Variants in PINX1 observed in about 807,000 individuals in gnomAD.
PINX1 encodes the protein PIN2 (TERF1) interacting telomerase inhibitor 1, also known as PIN2/TERF1-interacting telomerase inhibitor 1.
A neutral mutation model predicts 25.4 loss-of-function variants in PINX1; 34 were observed. That is an observed-to-expected ratio of 1.34 (90% CI 1.02 to 1.78). The LOEUF (loss-of-function observed/expected upper bound fraction) is 1.78. PINX1 is among the 40% of genes most tolerant of loss of function. The pLI, the probability that PINX1 is intolerant of heterozygous loss-of-function variation, is 0.00. For synonymous variants in PINX1, 197 were observed against 147.7 expected (o/e 1.33, Z -2.42); for missense variants, 592 against 404.9 (o/e 1.46, Z -3.97).
At chr8:10,783,431 G>A (rs1462183554) in intron 6 of PINX1, among the ~76,000 whole-genome samples, 1 of 152,198 alleles carries the variant, frequency 6.6e-6, no homozygotes, top group Non-Finnish European at 1.5e-5. Context: ...GTGCTTTCAA[G>A]AACCCGTGTC....
rs1476406127 is a variant in PINX1 at position 10,834,505 on chromosome 8, C to G, written c.129+161G>C. On this transcript the variant is annotated intron_variant, in intron 2 of 6. Transcript: ENST00000314787. Reference sequence around the variant, plus strand: ...AGAAAGTTGACACTTATGTCCAATCCTAATTTATCATCATAAGGTCACAAC... The same window carrying G: ...AGAAAGTTGACACTTATGTCCAATCGTAATTTATCATCATAAGGTCACAAC... The G allele has an allele frequency of 2.8e-6, 3 of 1,061,332 alleles. No homozygotes were observed. In the Admixed American group the frequency reaches 8.9e-5, roughly 32 times the overall value. 65.7% of individuals were successfully genotyped at this position (1,061,332 alleles called of 1,614,324 possible).
chr8:10,799,679 G>T (rs778420709), intron 6 of PINX1, among the ~76,000 whole-genome samples: 5 of 152,184 alleles, frequency 3.3e-5, no homozygotes, highest in Non-Finnish European at 5.9e-5. Context: ...CTAAACTGGG[G>T]TGCAGTAGAC....
intron 4 of PINX1, among the ~76,000 whole-genome samples, chr8:10,831,328 T>C (rs1042247443): frequency 4.6e-5 from 7 of 152,224 alleles, no homozygotes; most frequent in African/African-American, 9.6e-5. Context: ...CTAATGGATA[T>C]AAAAGTCCCA....
intron 6 of PINX1, among the ~76,000 whole-genome samples, chr8:10,793,074 T>G (rs1801973944): frequency 6.6e-6 from 1 of 152,106 alleles, no homozygotes; most frequent in South Asian, 2.1e-4. Context: ...ATCTACTGAG[T>G]GCCTACTATG....
intron 4 of PINX1, among the ~76,000 whole-genome samples, chr8:10,830,425 G>C (rs1042841884): frequency 8.5e-5 from 13 of 152,178 alleles, no homozygotes; most frequent in Non-Finnish European, 1.5e-4. Flanking sequence ...CCTCCAAGCA[G>C]GACTGTGTCT....
intron 6 of PINX1, among the ~76,000 whole-genome samples, chr8:10,802,896 G>A (rs1460261613): frequency 6.6e-6 from 1 of 152,152 alleles, no homozygotes; most frequent in East Asian, 1.9e-4. Context: ...TACACAGCAA[G>A]AAGACTTATT....
In PINX1 at chr8:10,814,202, T is replaced by C. The variant is rs1016083244; in HGVS notation, c.471+5991A>G. Among the ~76,000 whole-genome samples the C allele has an allele frequency of 6.8e-4, 104 of 152,252 alleles. 1 individual carries two copies. The highest frequency in any genetic ancestry group is 2.5e-3 in the African/African-American group (103 of 41,546). ...CTTCCAAATCAATATACAACAAAGA[T>C]GGTGGGAAAAGGAAGAACTTGGAAA... On this transcript the variant is annotated intron_variant, in intron 6 of 6. Transcript: ENST00000314787.
At chr8:10,782,230 C>G (rs1229222028) in intron 6 of PINX1, among the ~76,000 whole-genome samples, 1 of 151,576 alleles carries the variant, frequency 6.6e-6, no homozygotes, top group African/African-American at 2.4e-5. Flanking sequence ...TGTGTAGGTC[C>G]CCACACTGTA....
At chr8:10,835,058 G>A (rs1798358623) in intron 1 of PINX1, among the ~76,000 whole-genome samples, 1 of 152,144 alleles carries the variant, frequency 6.6e-6, no homozygotes, top group African/African-American at 2.4e-5. Flanking sequence ...TACTAGAGCT[G>A]GGCCTTCCAT....
At chr8:10,836,306 A>T (rs974525384) in intron 1 of PINX1, among the ~76,000 whole-genome samples, 1 of 152,064 alleles carries the variant, frequency 6.6e-6, no homozygotes, top group South Asian at 2.1e-4. Context: ...GTGACCCAAA[A>T]ATGTTCCATC....
chr8:10,799,572 C>A (rs989102376), intron 6 of PINX1, among the ~76,000 whole-genome samples: 1 of 152,174 alleles, frequency 6.6e-6, no homozygotes, highest in African/African-American at 2.4e-5. Flanking sequence ...GACAGGTGAG[C>A]GGCCTGACTG....
At chr8:10,808,319 G>A (rs1802520262) in intron 6 of PINX1, among the ~76,000 whole-genome samples, 1 of 152,224 alleles carries the variant, frequency 6.6e-6, no homozygotes, top group Non-Finnish European at 1.5e-5. Context: ...CCAAATAACT[G>A]AGGAAGAATT....
chr8:10,821,376 T>C (rs1473378003), intron 5 of PINX1, among the ~76,000 whole-genome samples: 4 of 152,198 alleles, frequency 2.6e-5, no homozygotes, highest in African/African-American at 9.7e-5. Context: ...CAAAACCAGT[T>C]TCCTAGGCAG....
intron 6 of PINX1, among the ~76,000 whole-genome samples, chr8:10,796,372 C>T (rs1434404115): frequency 6.6e-6 from 1 of 152,042 alleles, no homozygotes; most frequent in Non-Finnish European, 1.5e-5. Flanking sequence ...TAGAGACACC[C>T]GCAAGAATCC....
intron 6 of PINX1, among the ~76,000 whole-genome samples, chr8:10,775,737 C>G (rs1489107973): frequency 1.3e-5 from 2 of 152,194 alleles, no homozygotes. Flanking sequence ...ATTGGAAGCA[C>G]AACTGACAGA....
chr8:10,828,775 C>T (rs1798132853), intron 4 of PINX1, among the ~76,000 whole-genome samples: 1 of 152,120 alleles, frequency 6.6e-6, no homozygotes. Flanking sequence ...CCCGGGTATC[C>T]CCTCCCACTT....
rs899117230 is a variant in PINX1, at chr8:10,771,992, T to C, written c.472-6076A>G. On this transcript the variant is annotated intron_variant, in intron 6 of 6. Transcript: ENST00000314787. ...CCTTCTGCTCTGTCATTCCACATGT[T>C]ACCACAGTTGCCTTGGAGGGGACAA... is the stretch of plus-strand genomic sequence containing the variant. Among the ~76,000 whole-genome samples the C allele has an allele frequency of 3.3e-5, 5 of 152,348 alleles. No homozygotes were observed. In the South Asian group the frequency reaches 1.0e-3, roughly 32 times the overall value.
At chr8:10,775,783 GC>G (rs1411649202) in intron 6 of PINX1, among the ~76,000 whole-genome samples, 11 of 152,292 alleles carry the variant, frequency 7.2e-5, no homozygotes, top group African/African-American at 2.6e-4. Context: ...GCCTTTCCAG[GC>G]CTCAAATGCA....
At chr8:10,834,572 A>C (rs759414176) in intron 2 of PINX1, 94 bp downstream of exon 2, 161 of 1,479,478 alleles carry the variant, frequency 1.1e-4, no homozygotes, top group Middle Eastern at 1.1e-3. Context: ...GATCCAAAGC[A>C]TAAGTTTCTT....
Sources: allele counts gnomAD v4.1 joint callset (sites outside exome capture counted in the v4.1 genomes callset), GRCh38; gene constraint gnomAD v4.1.1; transcripts MANE v1.5; gene names NCBI Gene and HGNC (gene_info 2026-07-23, HGNC 2026-07-21).